The following CLU variants were observed in gnomAD, a reference collection of about 807,000 sequenced individuals.
CLU encodes the protein aging-associated protein 4.
Under a neutral mutation model 46.4 loss-of-function variants are expected in CLU, and 25 were observed. The observed-to-expected ratio is 0.54, with a 90% CI of 0.39 to 0.75. CLU has a LOEUF of 0.75. CLU is among the 30% of genes least tolerant of loss of function. The pLI, the probability that CLU is intolerant of heterozygous loss-of-function variation, is 0.00. For missense variants in CLU, 504 were observed against 592.1 expected, an observed-to-expected ratio of 0.85 and a Z score of 1.54; for synonymous variants, 235 against 235.1, an observed-to-expected ratio of 1.00 and a Z score of 0.00.
intron 1 of CLU, among the ~76,000 whole-genome samples, chr8:27,612,612 T>G (rs868380234): frequency 6.6e-6 from 1 of 151,876 alleles, no homozygotes; most frequent in Admixed American, 6.6e-5. Context: ...GCAGGGCTGG[T>G]TATAATGTTG....
At position 27,597,750 on chromosome 8, in the gene CLU, A is replaced by C. The variant is rs1430296228; in HGVS notation, c.*491T>G. The C allele has an allele frequency of 2.2e-6, 1 of 454,964 alleles. No homozygotes were observed. The highest frequency in any genetic ancestry group is 2.0e-5 in the African/African-American group (1 of 50,042). The allele number at this position is 454,964 out of a possible 1,614,324, so 28.2% of individuals were successfully genotyped here. The stretch of plus-strand genomic sequence containing the variant: ...GCTTCCATTTGCAGCAATATATTTT[A>C]GTTGGCTTGTTGAAACACATCTCTC... On this transcript the variant is annotated 3_prime_UTR_variant, in exon 9 of 9. Transcript: ENST00000316403.
rs756152921 is a variant in CLU at position 27,606,449 on chromosome 8, C to T, written c.322G>A (p.Ala108Thr). 1 of 1,614,236 alleles carries T rather than the reference C, an allele frequency of 6.2e-7. No homozygotes were observed. The highest frequency in any genetic ancestry group is 8.5e-7 in the Non-Finnish European group (1 of 1,180,046). Residue 108 changes from alanine (A) to threonine (T), a missense_variant, in exon 4 of 9, where the codon GCC becomes ACC. Physicochemically the swap from Ala to Thr is moderately conservative, Grantham distance 58. Coordinates refer to ENST00000316403, the MANE Select transcript of CLU (RefSeq NM_001831.4). ...CAGGGCTTACACTCTTCCCAGAGGG[C>T]CATCATGGTCTCATTGCACACTCCT... Reference protein sequence around the residue: ...LPGVCNETMMALWEECKPCLK... With the variant: ...LPGVCNETMMTLWEECKPCLK...
intron 3 of CLU, 60 bp downstream of exon 3, chr8:27,608,878 C>G: frequency 6.3e-7 from 1 of 1,596,896 alleles, no homozygotes; most frequent in South Asian, 1.1e-5. Flanking sequence ...GCGCAGTGAC[C>G]CCCTCCCTCC....
rs115801357 is a variant in CLU at position 27,597,920 on chromosome 8, C to A, written c.*321G>T. 1 of 590,102 alleles carries A rather than the reference C, an allele frequency of 1.7e-6. No individual in the cohort carries two copies. Among genetic ancestry groups the A allele is most frequent in the Non-Finnish European group, 3.2e-6 (1 of 316,338 alleles). The allele number at this position is 590,102 out of a possible 1,614,324, so 36.6% of individuals were successfully genotyped here. ...TGTTTCTACTTATTTTCCATCCCCC[C>A]TGCCTGCCCCCCATAGCAAAATGAA... On this transcript the variant is annotated 3_prime_UTR_variant, in exon 9 of 9. Transcript: ENST00000316403.
chr8:27,606,331 C>T, intron 4 of CLU, 23 bp downstream of exon 4: 1 of 1,613,290 alleles, frequency 6.2e-7, no homozygotes, highest in Non-Finnish European at 8.5e-7. Flanking sequence ...AGAGCCTTGG[C>T]CACTCATGTG....
At chr8:27,609,130 G>A in intron 2 of CLU, 44 bp from the exon 3 acceptor site, 1 of 1,607,248 alleles carries the variant, frequency 6.2e-7, no homozygotes, top group Non-Finnish European at 8.5e-7. Flanking sequence ...AGAGGAAGAG[G>A]TGGCCTCAGG....
chr8:27,606,546 G>A (rs1450412468), intron 3 of CLU, 22 bp from the exon 4 acceptor site: 2 of 1,613,800 alleles, frequency 1.2e-6, no homozygotes, highest in Non-Finnish European at 1.7e-6. Context: ...CACAAGGCTG[G>A]CTGAGCCACA....
At chr8:27,603,063 C>T (rs527308627) in intron 6 of CLU, among the ~76,000 whole-genome samples, 2 of 152,234 alleles carry the variant, frequency 1.3e-5, no homozygotes, top group Admixed American at 6.5e-5. Flanking sequence ...ATAAGACTGG[C>T]GCTGGCTGCA....
At chr8:27,602,356 A>C (rs556799507) in intron 6 of CLU, among the ~76,000 whole-genome samples, 1 of 152,190 alleles carries the variant, frequency 6.6e-6, no homozygotes, top group South Asian at 2.1e-4. Flanking sequence ...TAATCCCAGC[A>C]CTCTGGGAGG....
chr8:27,605,030 G>C lies in CLU; in HGVS notation c.723C>G (p.His241Gln). Residue 241 changes from histidine to glutamine, a missense_variant, in exon 5 of 9, where the codon CAC (histidine) becomes CAG (glutamine). By Grantham distance (24) the His-to-Gln change is conservative (BLOSUM62 0). This residue lies in a region of CLU where 428 missense variants were observed against 484.0 expected (regional missense o/e 0.88). Coordinates refer to ENST00000316403, the MANE Select transcript of CLU (RefSeq NM_001831.4). ...TCTCAAGGAAGGGCTGGAACATGGCGTGGAAGTTCAGGGGCTCGTACGGAG... is the reference window on the plus strand; with the variant it reads ...TCTCAAGGAAGGGCTGGAACATGGCCTGGAAGTTCAGGGGCTCGTACGGAG... ...PFSPYEPLNF[H>Q]AMFQPFLEMI... 1 of 1,614,122 alleles carries C rather than the reference G, an allele frequency of 6.2e-7. No homozygotes were observed. The highest frequency in any genetic ancestry group is 8.5e-7 in the Non-Finnish European group (1 of 1,180,028).
chr8:27,610,705 TC>T, intron 1 of CLU, 105 bp from the exon 2 acceptor site: 2 of 824,364 alleles, frequency 2.4e-6, no homozygotes, highest in Non-Finnish European at 4.2e-6. Context: ...CCCTCAGCTG[TC>T]CCCACAGCAG....
chr8:27,598,436 C>T (rs759976404), intron 8 of CLU, 24 bp downstream of exon 8: 23 of 1,613,452 alleles, frequency 1.4e-5, no homozygotes, highest in Non-Finnish European at 1.9e-5. Context: ...CCTGCAGGCC[C>T]GCAGGAAAGG....
chr8:27,598,429 G>A (rs1211992397), intron 8 of CLU, 31 bp downstream of exon 8: 8 of 1,612,856 alleles, frequency 5.0e-6, no homozygotes, highest in Non-Finnish European at 6.8e-6. Context: ...ACTGGGCCCT[G>A]CAGGCCCGCA....
chr8:27,605,957 C>G (rs1800814217), intron 4 of CLU, among the ~76,000 whole-genome samples: 1 of 151,866 alleles, frequency 6.6e-6, no homozygotes, highest in African/African-American at 2.4e-5. Context: ...GGAGGATCAC[C>G]TGAACCCAGG....
chr8:27,613,658 C>A (rs1800967489), intron 1 of CLU: 2 of 152,182 alleles, frequency 1.3e-5, no homozygotes, highest in Admixed American at 6.5e-5. Context: ...ATACAAGATT[C>A]TTCACATTCA....
In CLU at chr8:27,605,137, A is replaced by T. The variant is rs777449771; in HGVS notation, c.616T>A (p.Tyr206Asn). The change falls in exon 5 of 9, where the codon TAC becomes AAC. Residue 206 changes from tyrosine to asparagine, a missense_variant. By Grantham distance (143) the Tyr-to-Asn change is moderately radical. Around this residue, in one of 3 missense-constraint regions of CLU, gnomAD observed 428 missense variants for 484.0 expected, o/e 0.88. Coordinates refer to ENST00000316403, the MANE Select transcript of CLU (RefSeq NM_001831.4). ...CGGTGGGGCAGGCTGAAGGGCAGGT[A>T]GTGGTAGGTATCCTGGGGCTCCCGG... ...FTREPQDTYHYLPFSLPHRRP... is the reference protein window; with the variant it reads ...FTREPQDTYHNLPFSLPHRRP... The T allele has an allele frequency of 6.2e-7, 1 of 1,614,156 alleles. No homozygotes were observed. Among genetic ancestry groups the T allele is most frequent in the South Asian group, 1.1e-5 (1 of 91,080 alleles).
chr8:27,598,097 G>A lies in CLU; in HGVS notation c.*144C>T, dbSNP rs1800642220. On this transcript the variant is annotated 3_prime_UTR_variant, in exon 9 of 9. Coordinates refer to ENST00000316403, the MANE Select transcript of CLU (RefSeq NM_001831.4). Reference sequence around the variant, plus strand: ...GTGTTAGAGTGCAGGATCCAGAGCGGGGAGAGGCTGGGCGGAGTTGGGGGC... The same window carrying A: ...GTGTTAGAGTGCAGGATCCAGAGCGAGGAGAGGCTGGGCGGAGTTGGGGGC... 1.3e-6 allele frequency: 1 copy of A among 753,728 alleles called. No homozygotes were observed. Among genetic ancestry groups the A allele is most frequent in the Non-Finnish European group, 2.4e-6 (1 of 417,814 alleles). The allele number at this position is 753,728 out of a possible 1,614,324, so 46.7% of individuals were successfully genotyped here. A position where few individuals can be genotyped will look rare whatever the true frequency, so the allele number is the denominator to read the frequency against.
Position 27,610,596 on chromosome 8 carries a change from C to T in CLU, c.-25G>A, listed in dbSNP as rs748609130. On this transcript the variant is annotated 5_prime_UTR_variant, in exon 2 of 9. In the 5' UTR this introduces an upstream ATG that the reference lacks. Transcript: ENST00000316403. ...TGCCTCCAATTCTGGAGTCTTTGCA[C>T]GCCTCTGCAGAGAACAGGAGACCAT... 9.3e-5 allele frequency: 150 copies of T among 1,606,470 alleles called. No homozygotes were observed. Among genetic ancestry groups the T allele is most frequent in the Non-Finnish European group, 1.2e-4 (139 of 1,173,154 alleles).
intron 6 of CLU, among the ~76,000 whole-genome samples, chr8:27,602,527 A>G (rs1208186988): frequency 1.3e-5 from 2 of 150,642 alleles, no homozygotes; most frequent in Non-Finnish European, 3.0e-5. Context: ...CTTCAGCCCA[A>G]GAGGTCTAGG....
Sources: allele counts gnomAD v4.1 joint callset (sites outside exome capture counted in the v4.1 genomes callset), GRCh38; gene constraint gnomAD v4.1.1; regional missense constraint gnomAD v4.1.1; transcripts MANE v1.5; gene names NCBI Gene and HGNC (gene_info 2026-07-23, HGNC 2026-07-21).